SP4: variants seen among roughly 807,000 people sequenced by gnomAD.
SP4 encodes transcription factor Sp4.
In SP4, 19 loss-of-function variants were observed where a neutral mutation model predicts 72.8. The observed-to-expected ratio is 0.26, with a 90% CI of 0.18 to 0.38. SP4 has a LOEUF of 0.38. Ranked by LOEUF, SP4 falls within the 10% of genes least tolerant of loss-of-function variation. SP4 has a pLI of 1.00. For synonymous variants in SP4, 395 were observed against 333.1 expected (o/e 1.19, Z -2.02); for missense variants, 1,008 against 926.3 (o/e 1.09, Z -1.14).
At chr7:21,455,290 C>G (rs1271467415) in intron 3 of SP4, among the ~76,000 whole-genome samples, 1 of 152,152 alleles carries the variant, frequency 6.6e-6, no homozygotes, top group Admixed American at 6.5e-5. Context: ...AAGGAGTAGG[C>G]TTTTGTAGTT....
intron 5 of SP4, among the ~76,000 whole-genome samples, chr7:21,505,723 T>A (rs1386487847): frequency 6.6e-6 from 1 of 152,176 alleles, no homozygotes; most frequent in East Asian, 1.9e-4. Flanking sequence ...ACAGTTTGAT[T>A]TATAGCCCTT....
At chr7:21,471,644 G>A (rs1258955751) in intron 3 of SP4, among the ~76,000 whole-genome samples, 5 of 151,920 alleles carry the variant, frequency 3.3e-5, no homozygotes, top group Admixed American at 3.3e-4. Context: ...GTGTAGCGTG[G>A]GCAACATAGT....
chr7:21,436,348 AGAAG>A (rs1350532982), intron 3 of SP4, among the ~76,000 whole-genome samples: 1 of 152,212 alleles, frequency 6.6e-6, no homozygotes, highest in East Asian at 1.9e-4. Flanking sequence ...TACTTAATCA[AGAAG>A]GAAGATAGGG....
intron 5 of SP4, among the ~76,000 whole-genome samples, chr7:21,486,863 A>G (rs1325527037): frequency 1.3e-5 from 2 of 152,214 alleles, no homozygotes; most frequent in African/African-American, 4.8e-5. Flanking sequence ...ATTTGTGGAC[A>G]TATGTTAAAA....
At position 21,495,197 on chromosome 7, in the gene SP4, C is replaced by T. The variant is rs867971632; in HGVS notation, c.2107+13074C>T. Among the ~76,000 whole-genome samples the T allele has an allele frequency of 3.9e-5, 6 of 151,968 alleles. No homozygotes were observed. In the East Asian group the frequency reaches 5.8e-4, roughly 15 times the overall value. On this transcript the variant is annotated intron_variant, in intron 5 of 5. Transcript: ENST00000222584. Reference sequence around the variant, plus strand: ...GGCTACGAGTGCTTTAACACAACTCCGAAAGTGTAATCCATAAAAGAAAAA... The same window carrying T: ...GGCTACGAGTGCTTTAACACAACTCTGAAAGTGTAATCCATAAAAGAAAAA...
chr7:21,479,067 CAA>C (rs558714093), intron 4 of SP4, among the ~76,000 whole-genome samples: 10 of 113,150 alleles, frequency 8.8e-5, no homozygotes, highest in Admixed American at 1.8e-4. Context: ...AACTCCATCT[CAA>C]AAAAAAAAAA....
chr7:21,502,253 C>T (rs1781890048), intron 5 of SP4, among the ~76,000 whole-genome samples: 1 of 152,140 alleles, frequency 6.6e-6, no homozygotes, highest in Admixed American at 6.5e-5. Flanking sequence ...CACCAGACAT[C>T]AGCCGTGGTG....
At chr7:21,471,245 C>T in intron 3 of SP4, 1 of 378,186 alleles carries the variant, frequency 2.6e-6, no homozygotes, top group East Asian at 7.8e-5. Flanking sequence ...ATGGAGGGCC[C>T]ATTGGCTTTT....
intron 3 of SP4, among the ~76,000 whole-genome samples, chr7:21,433,194 A>T (rs1223561422): frequency 6.6e-6 from 1 of 152,118 alleles, no homozygotes; most frequent in Non-Finnish European, 1.5e-5. Context: ...AACACTGCCA[A>T]TAGGTGTGGT....
chr7:21,501,371 G>T (rs544456899), intron 5 of SP4, among the ~76,000 whole-genome samples: 1 of 151,866 alleles, frequency 6.6e-6, no homozygotes, highest in South Asian at 2.1e-4. Flanking sequence ...TACTTCCTTC[G>T]GTCTCATTTT....
chr7:21,493,178 C>T (rs562370206), intron 5 of SP4, among the ~76,000 whole-genome samples: 48 of 144,710 alleles, frequency 3.3e-4, no homozygotes, highest in Middle Eastern at 3.5e-3. Flanking sequence ...CCAGCCTGGA[C>T]GACAGAGTGA....
In SP4 at chr7:21,501,185, C is replaced by T. The variant is rs759635305; in HGVS notation, c.2108-9837C>T. On this transcript the variant is annotated intron_variant, in intron 5 of 5. Coordinates refer to ENST00000222584, the MANE Select transcript of SP4 (RefSeq NM_003112.5). ...GATTTCCCAATAATGAAACTTTCTT[C>T]GCTTTTATGGGCTGACCCCTTCTCT... Among the ~76,000 whole-genome samples the T allele has an allele frequency of 4.6e-5, 7 of 152,148 alleles. No individual in the cohort carries two copies. The South Asian group carries it at 6.2e-4, about 13-fold the overall frequency.
intron 5 of SP4, among the ~76,000 whole-genome samples, chr7:21,487,330 C>G (rs538380151): frequency 6.6e-6 from 1 of 150,500 alleles, no homozygotes; most frequent in African/African-American, 2.4e-5. Context: ...TGGGTCACCT[C>G]TCTCCCTCTC....
chr7:21,502,048 C>CG (rs966341668), intron 5 of SP4, among the ~76,000 whole-genome samples: 4 of 115,646 alleles, frequency 3.5e-5, no homozygotes, highest in African/African-American at 6.7e-5. Flanking sequence ...GCACCCCCCC[C>CG]CCCCCGGAAC....
intron 5 of SP4, among the ~76,000 whole-genome samples, chr7:21,509,985 G>A (rs1210730227): frequency 6.6e-6 from 1 of 152,190 alleles, no homozygotes; most frequent in Non-Finnish European, 1.5e-5. Flanking sequence ...GGCAGGCAAA[G>A]AGAGAATAAG....
At chr7:21,450,884 T>C (rs941202801) in intron 3 of SP4, among the ~76,000 whole-genome samples, 1 of 151,564 alleles carries the variant, frequency 6.6e-6, no homozygotes, top group Non-Finnish European at 1.5e-5. Context: ...AGAGCAGGAG[T>C]GAAAGTTTAT....
chr7:21,514,220 A>G lies in SP4; in HGVS notation c.*2951A>G, dbSNP rs760231295. 6.6e-6 allele frequency: 1 copy of G among 152,618 alleles called. No individual in the cohort carries two copies. Among genetic ancestry groups the G allele is most frequent in the Non-Finnish European group, 1.5e-5 (1 of 68,010 alleles). The allele number at this position is 152,618 out of a possible 1,614,324, so 9.5% of individuals were successfully genotyped here. Reference sequence around the variant, plus strand: ...ATCACACTCTCATGAGAGCAGTAATAAAAGTGTGTAATCTAGGAGAAAAAG... The same window carrying G: ...ATCACACTCTCATGAGAGCAGTAATGAAAGTGTGTAATCTAGGAGAAAAAG... On this transcript the variant is annotated 3_prime_UTR_variant, in exon 6 of 6. Coordinates refer to ENST00000222584, the MANE Select transcript of SP4 (RefSeq NM_003112.5).
chr7:21,461,953 G>A (rs2128402572), intron 3 of SP4, among the ~76,000 whole-genome samples: 1 of 152,274 alleles, frequency 6.6e-6, no homozygotes, highest in Admixed American at 6.5e-5. Flanking sequence ...CAGGTGAAAA[G>A]GGTATGTGAA....
At chr7:21,442,439 A>G (rs1783290911) in intron 3 of SP4, among the ~76,000 whole-genome samples, 1 of 152,236 alleles carries the variant, frequency 6.6e-6, no homozygotes, top group African/African-American at 2.4e-5. Flanking sequence ...TTTGCATCTT[A>G]GACTCAATAG....
Sources: gnomAD v4.1 joint callset for allele counts (sites outside exome capture counted in the v4.1 genomes callset) on GRCh38, gnomAD v4.1.1 for gene constraint, MANE v1.5 for transcripts, NCBI Gene and HGNC (gene_info 2026-07-23, HGNC 2026-07-21) for gene names.